PRKCE: variants seen among roughly 807,000 people sequenced by gnomAD.
The protein encoded by PRKCE is protein kinase C epsilon, also known as protein kinase C epsilon type.
A neutral mutation model predicts 85.4 loss-of-function variants in PRKCE; 16 were observed. That is an observed-to-expected ratio of 0.19 (90% CI 0.13 to 0.28). PRKCE has a LOEUF of 0.28. PRKCE is among the 10% of genes least tolerant of loss of function. The pLI is 1.00. For missense variants in PRKCE, 573 were observed against 975.2 expected (o/e 0.59, Z 5.49); for synonymous variants, 388 against 371.5 (o/e 1.04, Z -0.51).
chr2:45,715,585 T>A (rs1193937697), intron 1 of PRKCE, among the ~76,000 whole-genome samples: 1 of 152,220 alleles, frequency 6.6e-6, no homozygotes, highest in African/African-American at 2.4e-5. Flanking sequence ...AGACTTGGCT[T>A]CTTCTGAAAT....
At chr2:45,769,172 G>A (rs1252205307) in intron 1 of PRKCE, among the ~76,000 whole-genome samples, 3 of 152,144 alleles carry the variant, frequency 2.0e-5, no homozygotes, top group Admixed American at 2.0e-4. Flanking sequence ...CTGTGTGGGA[G>A]CCAGTGAGAC....
chr2:45,895,648 G>A lies in PRKCE; in HGVS notation c.412+52585G>A, dbSNP rs1227759028. Among the ~76,000 whole-genome samples the A allele has an allele frequency of 1.3e-5, 2 of 152,220 alleles. No homozygotes were observed. Among genetic ancestry groups the A allele is most frequent in the African/African-American group, 4.8e-5 (2 of 41,450 alleles). ...AGAAGTCACTCTAATGGCATGCAGG[G>A]TAGATGATGTCAGCTTTTCCATCTC... On this transcript the variant is annotated intron_variant, in intron 2 of 14. Transcript: ENST00000306156. This position sits in a 1 kb window ranked among gnomAD's most constrained non-coding sequence, Gnocchi z 4.8.
In PRKCE at chr2:45,652,777, C is replaced by T. The variant is rs1335950686; in HGVS notation, c.348+329C>T. ...AGGACCCGGCTTTCTTCCGCAGGCG[C>T]GTGGTGGGCTGGCTGTGTGTGATTG... On this transcript the variant is annotated intron_variant, in intron 1 of 14. Transcript: ENST00000306156. This position sits in a 1 kb window ranked among gnomAD's most constrained non-coding sequence, Gnocchi z 7.7. Among the ~76,000 whole-genome samples the T allele has an allele frequency of 6.6e-6, 1 of 152,122 alleles. No homozygotes were observed. Among genetic ancestry groups the T allele is most frequent in the Non-Finnish European group, 1.5e-5 (1 of 68,012 alleles).
At chr2:45,962,819 C>T (rs1574040250) in intron 2 of PRKCE, among the ~76,000 whole-genome samples, 2 of 152,066 alleles carry the variant, frequency 1.3e-5, no homozygotes, top group Non-Finnish European at 2.9e-5. Context: ...TGTCAGAGCT[C>T]CTGAGCCCTG....
intron 6 of PRKCE, among the ~76,000 whole-genome samples, chr2:45,990,337 G>A (rs953230419): frequency 2.6e-5 from 4 of 152,214 alleles, no homozygotes. Flanking sequence ...CAGACACGAG[G>A]CAATGGGACA....
intron 10 of PRKCE, among the ~76,000 whole-genome samples, chr2:46,085,209 C>G (rs1156994081): frequency 6.6e-6 from 1 of 152,142 alleles, no homozygotes; most frequent in Non-Finnish European, 1.5e-5. Context: ...AGGGGGCCAC[C>G]TACAATAAGG....
intron 1 of PRKCE, among the ~76,000 whole-genome samples, chr2:45,738,754 G>T (rs1471111320): frequency 6.6e-6 from 1 of 152,142 alleles, no homozygotes; most frequent in South Asian, 2.1e-4. Flanking sequence ...TAACCTTACA[G>T]TTATTGGGCA....
chr2:45,867,747 G>T (rs931574532), intron 2 of PRKCE, among the ~76,000 whole-genome samples: 1 of 152,106 alleles, frequency 6.6e-6, no homozygotes, highest in African/African-American at 2.4e-5. Flanking sequence ...GTGTGTGCAC[G>T]TGTGTGCTAA....
intron 1 of PRKCE, among the ~76,000 whole-genome samples, chr2:45,726,719 A>G (rs1398258798): frequency 6.6e-6 from 1 of 152,176 alleles, no homozygotes; most frequent in African/African-American, 2.4e-5. Flanking sequence ...ACATTCTTCT[A>G]AAAAATATTG....
chr2:45,681,181 C>A (rs776178092), intron 1 of PRKCE, among the ~76,000 whole-genome samples: 1 of 146,282 alleles, frequency 6.8e-6, no homozygotes, highest in Non-Finnish European at 1.5e-5. Flanking sequence ...CCCAGTCACT[C>A]GGGAGGCTGA....
At chr2:45,830,028 G>C (rs547005692) in intron 1 of PRKCE, among the ~76,000 whole-genome samples, 24 of 142,772 alleles carry the variant, frequency 1.7e-4, no homozygotes, top group Admixed American at 2.9e-4. Flanking sequence ...AGCCGAGATC[G>C]CGCCACTGCA....
chr2:46,030,844 T>C (rs899210502), intron 10 of PRKCE, among the ~76,000 whole-genome samples: 2 of 152,230 alleles, frequency 1.3e-5, no homozygotes, highest in African/African-American at 4.8e-5. Context: ...CTAACATCCT[T>C]GCAGTCTTGG....
intron 2 of PRKCE, among the ~76,000 whole-genome samples, chr2:45,950,701 G>A (rs1203141475): frequency 1.3e-5 from 2 of 152,098 alleles, no homozygotes; most frequent in Non-Finnish European, 2.9e-5. Context: ...AGGGCAAAGC[G>A]AGAGATGGAT....
chr2:45,989,304 A>T (rs1376866061), intron 6 of PRKCE, among the ~76,000 whole-genome samples: 1 of 152,202 alleles, frequency 6.6e-6, no homozygotes, highest in Non-Finnish European at 1.5e-5. Flanking sequence ...TCTGACACAC[A>T]TCTTAATAAC....
intron 6 of PRKCE, among the ~76,000 whole-genome samples, chr2:45,989,314 CT>C (rs1703607985): frequency 6.6e-6 from 1 of 152,210 alleles, no homozygotes; most frequent in Non-Finnish European, 1.5e-5. Flanking sequence ...ATCTTAATAA[CT>C]GCTCTGATCT....
chr2:45,971,123 C>T (rs1277385623), intron 2 of PRKCE, among the ~76,000 whole-genome samples: 1 of 152,112 alleles, frequency 6.6e-6, no homozygotes, highest in African/African-American at 2.4e-5. Flanking sequence ...AGGACTTACT[C>T]ATCTTGCATA....
chr2:46,080,650 C>T (rs1018812017), intron 10 of PRKCE, among the ~76,000 whole-genome samples: 1 of 152,152 alleles, frequency 6.6e-6, no homozygotes, highest in African/African-American at 2.4e-5. Flanking sequence ...CATGGTGCTC[C>T]CTGGAGTGAA....
intron 11 of PRKCE, among the ~76,000 whole-genome samples, chr2:46,099,500 ATTTT>A (rs56086039): frequency 1.4e-5 from 2 of 146,676 alleles, no homozygotes; most frequent in African/African-American, 2.5e-5. Context: ...AAGGTATGGT[ATTTT>A]TTTTTTTTTT....
intron 2 of PRKCE, among the ~76,000 whole-genome samples, chr2:45,869,380 G>A (rs1295368098): frequency 1.3e-5 from 2 of 152,220 alleles, no homozygotes; most frequent in Admixed American, 6.5e-5. Flanking sequence ...GGTTAAAACT[G>A]TTTGTGACAC....
Sources: gnomAD v4.1 joint callset for allele counts (sites outside exome capture counted in the v4.1 genomes callset) on GRCh38, gnomAD v4.1.1 for gene constraint, Gnocchi (gnomAD v3.1) non-coding constraint, MANE v1.5 for transcripts, NCBI Gene and HGNC (gene_info 2026-07-23, HGNC 2026-07-21) for gene names.